The following STARD13 variants were observed in gnomAD, a reference collection of about 807,000 sequenced individuals.
The protein encoded by STARD13 is StAR related lipid transfer domain containing 13, also known as stAR-related lipid transfer protein 13.
STARD13 carries 62 observed loss-of-function variants against 106.4 expected under a neutral mutation model. The observed-to-expected ratio is 0.58, with a 90% CI of 0.48 to 0.72. The LOEUF is 0.72. Among genes scored for constraint, STARD13 ranks in the 30% least tolerant of loss-of-function variants. The pLI is 0.00. For synonymous variants in STARD13, 565 were observed against 553.0 expected, an observed-to-expected ratio of 1.02 and a Z score of -0.31; for missense variants, 1,387 against 1,424.0, an observed-to-expected ratio of 0.97 and a Z score of 0.42.
In STARD13 at chr13:33,258,756, C is replaced by G. The variant is rs145267421; in HGVS notation, c.169+26714G>C. Reference sequence around the variant, plus strand: ...ATGGAATTCTGCAATGCATGCTCAACTCTGGAGCCACAGTGACCTATCTAG... The same window carrying G: ...ATGGAATTCTGCAATGCATGCTCAAGTCTGGAGCCACAGTGACCTATCTAG... On this transcript the variant is annotated intron_variant, in intron 1 of 13. Coordinates refer to ENST00000336934, the MANE Select transcript of STARD13 (RefSeq NM_178006.4). Among the ~76,000 whole-genome samples, 62 of 152,348 alleles carry G rather than the reference C, an allele frequency of 4.1e-4. 1 individual carries two copies. The highest frequency in any genetic ancestry group is 1.4e-3 in the African/African-American group (60 of 41,576).
At chr13:33,458,453 G>A in the STARD13 span, among the ~76,000 whole-genome samples, 1 of 151,952 alleles carries the variant, frequency 6.6e-6, no homozygotes, top group Non-Finnish European at 1.5e-5. Context: ...TGTTTTTCAT[G>A]TTTTCAGCAA....
chr13:33,524,760 C>T, the STARD13 span, among the ~76,000 whole-genome samples: 6 of 151,556 alleles, frequency 4.0e-5, no homozygotes, highest in Admixed American at 6.6e-5. Flanking sequence ...TTATGGTGTA[C>T]GATATGATGT....
the STARD13 span, among the ~76,000 whole-genome samples, chr13:33,565,665 C>T: frequency 6.8e-6 from 1 of 147,830 alleles, no homozygotes; most frequent in Non-Finnish European, 1.5e-5. Flanking sequence ...TACCTGTAGG[C>T]TCATACAGAT....
chr13:33,188,006 ATGT>A (rs1376243933), intron 1 of STARD13, among the ~76,000 whole-genome samples: 4 of 152,130 alleles, frequency 2.6e-5, no homozygotes, highest in Non-Finnish European at 5.9e-5. Context: ...TCTTTAAATA[ATGT>A]TGTGGCAAAA....
At chr13:33,133,101 A>T (rs917030167) in intron 4 of STARD13, among the ~76,000 whole-genome samples, 2 of 152,210 alleles carry the variant, frequency 1.3e-5, no homozygotes, top group Non-Finnish European at 1.5e-5. Context: ...AAATATAGAT[A>T]TTTTAAAACA....
At chr13:33,534,197 A>G in the STARD13 span, among the ~76,000 whole-genome samples, 2 of 152,194 alleles carry the variant, frequency 1.3e-5, no homozygotes, top group Admixed American at 6.5e-5. Context: ...TCTCATCAAT[A>G]GAATGTCTAT....
chr13:33,608,104 A>G, the STARD13 span, among the ~76,000 whole-genome samples: 1 of 152,098 alleles, frequency 6.6e-6, no homozygotes, highest in African/African-American at 2.4e-5. Context: ...ATGGGGTCTC[A>G]CTATGTTGCT....
upstream of STARD13, among the ~76,000 whole-genome samples, chr13:33,289,594 G>A (rs116705657): frequency 3.5e-4 from 53 of 152,186 alleles, no homozygotes; most frequent in African/African-American, 1.1e-3. Flanking sequence ...ACACGGCACC[G>A]AAAAGGCACT....
the STARD13 span, among the ~76,000 whole-genome samples, chr13:33,589,183 T>C: frequency 6.6e-6 from 1 of 152,212 alleles, no homozygotes; most frequent in African/African-American, 2.4e-5. Flanking sequence ...TTGATTCTTC[T>C]CTCTTTTCTT....
At chr13:33,226,011 T>A (rs2138193281) in intron 1 of STARD13, among the ~76,000 whole-genome samples, 1 of 152,150 alleles carries the variant, frequency 6.6e-6, no homozygotes, top group Non-Finnish European at 1.5e-5. Context: ...GTTAGTTAAG[T>A]CCTTATAAGA....
chr13:33,406,014 C>T, the STARD13 span, among the ~76,000 whole-genome samples: 1 of 152,188 alleles, frequency 6.6e-6, no homozygotes, highest in Non-Finnish European at 1.5e-5. Context: ...TTGTTATTCC[C>T]TTTTATCTAT....
Position 33,105,519 on chromosome 13 carries a change from C to T in STARD13, c.*74G>A, listed in dbSNP as rs535436233. 4.6e-3 allele frequency: 4,824 copies of T among 1,045,152 alleles called. 20 individuals carry two copies. Among genetic ancestry groups the T allele is most frequent in the Non-Finnish European group, 6.5e-3 (4,316 of 667,870 alleles). 64.7% of individuals were successfully genotyped at this position (1,045,152 alleles called of 1,614,324 possible). On this transcript the variant is annotated 3_prime_UTR_variant, in exon 14 of 14. Coordinates refer to ENST00000336934, the MANE Select transcript of STARD13 (RefSeq NM_178006.4). ...TCAGTTCCTCTTTCTCTCGCTTTCT[C>T]ACATGCACACTCTCTGCCACACTCG...
the STARD13 span, among the ~76,000 whole-genome samples, chr13:33,622,787 G>C: frequency 1.3e-5 from 2 of 151,858 alleles, no homozygotes; most frequent in Admixed American, 1.3e-4. Flanking sequence ...GGGCGTGGTG[G>C]CGCATGCCTG....
At chr13:33,185,488 C>A (rs950851970) in intron 1 of STARD13, among the ~76,000 whole-genome samples, 1 of 152,120 alleles carries the variant, frequency 6.6e-6, no homozygotes. Flanking sequence ...TCAAATCTCT[C>A]CAAAGAAAAA....
chr13:33,455,316 A>G, the STARD13 span, among the ~76,000 whole-genome samples: 1 of 152,208 alleles, frequency 6.6e-6, no homozygotes, highest in African/African-American at 2.4e-5. Context: ...GAAAACCAGT[A>G]CTAAGAGAAT....
the STARD13 span, among the ~76,000 whole-genome samples, chr13:33,391,909 TCA>T: frequency 6.6e-6 from 1 of 152,076 alleles, no homozygotes; most frequent in Non-Finnish European, 1.5e-5. Context: ...TGGAAAGAAC[TCA>T]GAGAAGAGTG....
intron 7 of STARD13, among the ~76,000 whole-genome samples, chr13:33,121,684 T>A (rs1876337959): frequency 6.7e-6 from 1 of 148,708 alleles, no homozygotes; most frequent in South Asian, 2.2e-4. Flanking sequence ...TTTTTTTTTT[T>A]TTTGAGACAG....
At chr13:33,519,213 T>C in the STARD13 span, among the ~76,000 whole-genome samples, 3 of 58,002 alleles carry the variant, frequency 5.2e-5, 1 homozygote, top group Admixed American at 3.6e-4. Flanking sequence ...TAATTTTTTC[T>C]TTCTTTCTTT....
At chr13:33,609,847 C>T in the STARD13 span, among the ~76,000 whole-genome samples, 1 of 152,106 alleles carries the variant, frequency 6.6e-6, no homozygotes, top group Non-Finnish European at 1.5e-5. Context: ...GGATTACAGG[C>T]GTGAGCCACT....
Sources: gnomAD v4.1 joint callset for allele counts (sites outside exome capture counted in the v4.1 genomes callset) on GRCh38, gnomAD v4.1.1 for gene constraint, MANE v1.5 for transcripts, NCBI Gene and HGNC (gene_info 2026-07-23, HGNC 2026-07-21) for gene names.